The following TNFRSF1B variants were observed in gnomAD, a reference collection of about 807,000 sequenced individuals.
TNFRSF1B encodes tumor necrosis factor receptor superfamily member 1B.
TNFRSF1B carries 19 observed loss-of-function variants against 44.6 expected under a neutral mutation model. The observed-to-expected ratio is 0.43, with a 90% CI of 0.30 to 0.62. The LOEUF (loss-of-function observed/expected upper bound fraction) is 0.62, where lower values mean the gene tolerates loss of function less well. TNFRSF1B is among the 20% of genes least tolerant of loss of function. The pLI is 0.16. For missense variants in TNFRSF1B, 541 were observed against 619.9 expected (o/e 0.87, Z 1.35); for synonymous variants, 252 against 261.1 (o/e 0.97, Z 0.34).
At chr1:12,167,371 C>T in intron 1 of TNFRSF1B, 1 of 406,448 alleles carries the variant, frequency 2.5e-6, no homozygotes, top group South Asian at 6.0e-5. Context: ...GGCACACGTG[C>T]GCTCGGGGCA....
intron 1 of TNFRSF1B, among the ~76,000 whole-genome samples, chr1:12,184,685 G>C (rs931162029): frequency 6.6e-6 from 1 of 152,220 alleles, no homozygotes; most frequent in Non-Finnish European, 1.5e-5. Flanking sequence ...CTTGGCCACG[G>C]CAGGGCTCTT....
intron 1 of TNFRSF1B, among the ~76,000 whole-genome samples, chr1:12,176,226 C>G (rs1281359466): frequency 6.6e-6 from 1 of 151,784 alleles, no homozygotes; most frequent in Admixed American, 6.6e-5. Context: ...CTCAAAAAAG[C>G]AAAACAAAAC....
intron 8 of TNFRSF1B, among the ~76,000 whole-genome samples, chr1:12,197,736 C>T (rs1268108513): frequency 1.3e-5 from 2 of 152,172 alleles, no homozygotes; most frequent in Non-Finnish European, 2.9e-5. Context: ...AGCTGGGCTG[C>T]TGGGCTTAGA....
At chr1:12,174,001 G>A (rs767416390) in intron 1 of TNFRSF1B, among the ~76,000 whole-genome samples, 8 of 152,086 alleles carry the variant, frequency 5.3e-5, no homozygotes, top group Non-Finnish European at 1.0e-4. Flanking sequence ...CCCCAAGTGT[G>A]CAGGGGGGAG....
intron 1 of TNFRSF1B, among the ~76,000 whole-genome samples, chr1:12,183,684 C>G (rs954934865): frequency 1.3e-4 from 16 of 126,264 alleles, no homozygotes; most frequent in Non-Finnish European, 2.2e-4. Context: ...ATCTATCTAT[C>G]TATCTATCTA....
intron 9 of TNFRSF1B, among the ~76,000 whole-genome samples, chr1:12,204,897 A>G (rs1639468664): frequency 6.6e-6 from 1 of 152,130 alleles, no homozygotes; most frequent in African/African-American, 2.4e-5. Flanking sequence ...TGGTCTGGCC[A>G]GGCAAGGTGG....
intron 2 of TNFRSF1B, among the ~76,000 whole-genome samples, chr1:12,190,487 A>T (rs1170328337): frequency 7.6e-5 from 11 of 143,994 alleles, no homozygotes; most frequent in Non-Finnish European, 3.1e-5. Flanking sequence ...AAAAGCAGCT[A>T]CTGAGTCAAC....
chr1:12,193,200 T>TCTCA, intron 6 of TNFRSF1B, 102 bp downstream of exon 6: 1 of 1,061,968 alleles, frequency 9.4e-7, no homozygotes, highest in Non-Finnish European at 1.4e-6. Flanking sequence ...CACGGGGGGC[T>TCTCA]GGACCCTGTG....
Position 12,167,154 on chromosome 1 carries a change from C to T in TNFRSF1B, c.63C>T (p.His21=). The part of the protein sequence containing the change: ...AVGLELWAAA[H]ALPAQVAFTP... ...GACTGGAGCTCTGGGCTGCGGCGCA[C>T]GCCTTGCCCGCCCAGGTGGGTGACT... The change falls in exon 1 of 10, where the codon CAC becomes CAT. Residue 21 remains histidine (H), a synonymous_variant. Transcript: ENST00000376259. 7.7e-7 allele frequency: 1 copy of T among 1,295,124 alleles called. No homozygotes were observed. The highest frequency in any genetic ancestry group is 9.8e-7 in the Non-Finnish European group (1 of 1,018,986). 80.2% of individuals were successfully genotyped at this position (1,295,124 alleles called of 1,614,324 possible).
chr1:12,192,274 ATC>A, intron 4 of TNFRSF1B, 155 bp from the exon 5 acceptor site: 1 of 689,574 alleles, frequency 1.5e-6, no homozygotes. Flanking sequence ...GTGTACAGGC[ATC>A]TGTGTGTGTG....
chr1:12,192,884 T>C lies in TNFRSF1B; in HGVS notation c.573T>C (p.Pro191=). The part of the protein sequence containing the change: ...PHQICNVVAI[P]GNASMDAVCT... ...CCAGCTGTAACGTGGTGGCCATCCC[T>C]GGGAATGCAAGCATGGATGCAGTCT... The change falls in exon 6 of 10, where the codon CCT becomes CCC. Residue 191 remains proline, a synonymous_variant. Coordinates refer to ENST00000376259, the MANE Select transcript of TNFRSF1B (RefSeq NM_001066.3). 6.2e-7 allele frequency: 1 copy of C among 1,613,970 alleles called. No individual in the cohort carries two copies.
chr1:12,181,403 G>A (rs532265842), intron 1 of TNFRSF1B, among the ~76,000 whole-genome samples: 2 of 152,234 alleles, frequency 1.3e-5, no homozygotes, highest in South Asian at 2.1e-4. Context: ...CCCAAGTGAG[G>A]ACCTCCCCAG....
intron 8 of TNFRSF1B, among the ~76,000 whole-genome samples, chr1:12,200,682 G>GC (rs5746047): frequency 0.011 from 1,731 of 152,160 alleles, 32 homozygotes; most frequent in African/African-American, 0.04. Flanking sequence ...GAGTGCAGTG[G>GC]CTCGATCTCG....
chr1:12,195,445 G>A (rs1445981283), intron 8 of TNFRSF1B, among the ~76,000 whole-genome samples: 1 of 152,180 alleles, frequency 6.6e-6, no homozygotes. Context: ...GTTGACTTTT[G>A]TTCTCTTGTT....
chr1:12,180,397 C>T lies in TNFRSF1B; in HGVS notation c.79-8399C>T, dbSNP rs1244822416. On this transcript the variant is annotated intron_variant, in intron 1 of 9. Transcript: ENST00000376259. The surrounding 1 kb of genome is among the most constrained non-coding windows in gnomAD (Gnocchi z 4.3). ...TTTCCTTCTCCTCCAGGCCTCCCTT[C>T]TTTCCTTCCTCTCTCGCTATTTATA... Among the ~76,000 whole-genome samples the T allele has an allele frequency of 6.6e-5, 10 of 152,232 alleles. No individual in the cohort carries two copies. Among genetic ancestry groups the T allele is most frequent in the African/African-American group, 2.4e-4 (10 of 41,456 alleles).
chr1:12,203,886 C>T (rs1203238624), intron 9 of TNFRSF1B, among the ~76,000 whole-genome samples: 3 of 152,222 alleles, frequency 2.0e-5, no homozygotes, highest in Admixed American at 6.5e-5. Flanking sequence ...TGTGCCATCA[C>T]GCCTGGCTAA....
At chr1:12,183,826 C>T (rs112715041) in intron 1 of TNFRSF1B, among the ~76,000 whole-genome samples, 9,673 of 120,840 alleles carry the variant, frequency 0.08, 568 homozygotes, top group Non-Finnish European at 0.11. Context: ...ATTCTATCTA[C>T]CTATCTATCT....
In TNFRSF1B at chr1:12,188,804, T is replaced by C; in HGVS notation, c.87T>C (p.Phe29=). ...TCCCTTCTTCCTTCCAGGTGGCATT[T>C]ACACCCTACGCCCCGGAGCCCGGGA... ...AAHALPAQVA[F]TPYAPEPGST... is the part of the protein sequence containing the mutation. Residue 29 remains phenylalanine, a synonymous_variant, in exon 2 of 10, where the codon TTT becomes TTC. Transcript: ENST00000376259. The C allele has an allele frequency of 6.2e-7, 1 of 1,613,650 alleles. No homozygotes were observed. Among genetic ancestry groups the C allele is most frequent in the South Asian group, 1.1e-5 (1 of 90,982 alleles).
rs1570135284 is a variant in TNFRSF1B, at chr1:12,180,222, G to T, written c.79-8574G>T. ...AGGGAGGAGGATCGCTTAAGGCCAG[G>T]AGTTCAAGACCAGTCTGGACAACAT... On this transcript the variant is annotated intron_variant, in intron 1 of 9. Coordinates refer to ENST00000376259, the MANE Select transcript of TNFRSF1B (RefSeq NM_001066.3). This position sits in a 1 kb window ranked among gnomAD's most constrained non-coding sequence, Gnocchi z 4.3. 6.6e-6 allele frequency among the ~76,000 whole-genome samples: 1 copy of T among 152,310 alleles called. No homozygotes were observed. The highest frequency in any genetic ancestry group is 2.1e-4 in the South Asian group (1 of 4,832).
Sources: gnomAD v4.1 joint callset for allele counts (sites outside exome capture counted in the v4.1 genomes callset) on GRCh38, gnomAD v4.1.1 for gene constraint, Gnocchi (gnomAD v3.1) non-coding constraint, MANE v1.5 for transcripts, NCBI Gene and HGNC (gene_info 2026-07-23, HGNC 2026-07-21) for gene names.